The following ADD2 variants were observed in gnomAD, a reference collection of about 807,000 sequenced individuals.
ADD2 encodes the protein beta-adducin.
Under a neutral mutation model 83.0 loss-of-function variants are expected in ADD2, and 23 were observed. That is an observed-to-expected ratio of 0.28 (90% confidence interval 0.20 to 0.39). The LOEUF (loss-of-function observed/expected upper bound fraction) is 0.39. Ranked by LOEUF, ADD2 falls within the 10% of genes least tolerant of loss-of-function variation. ADD2 has a pLI of 1.00. For missense variants in ADD2, 758 were observed against 944.9 expected (o/e 0.80, Z 2.59); for synonymous variants, 375 against 375.4 (o/e 1.00, Z 0.01).
intron 1 of ADD2, among the ~76,000 whole-genome samples, chr2:70,754,626 T>C (rs1558581498): frequency 6.6e-6 from 1 of 152,068 alleles, no homozygotes; most frequent in African/African-American, 2.4e-5. Context: ...TCCTTACTCA[T>C]TCCTGCCGAC....
chr2:70,707,699 G>A (rs1170870876), intron 2 of ADD2, among the ~76,000 whole-genome samples: 9 of 152,342 alleles, frequency 5.9e-5, no homozygotes, highest in Admixed American at 1.3e-4. Context: ...AAGGCAGCAT[G>A]TACTTTGGCT....
At chr2:70,696,516 A>T in intron 4 of ADD2, 120 bp from the exon 5 acceptor site, 1 of 1,345,328 alleles carries the variant, frequency 7.4e-7, no homozygotes, top group Non-Finnish European at 1.0e-6. Flanking sequence ...CCAGGCAGGG[A>T]ATTAAACATT....
intron 1 of ADD2, among the ~76,000 whole-genome samples, chr2:70,733,319 G>A (rs540344703): frequency 1.3e-5 from 2 of 152,266 alleles, no homozygotes; most frequent in East Asian, 1.9e-4. Flanking sequence ...AAGGGAAGGC[G>A]GTGCATGCAT....
At chr2:70,685,036 A>G (rs527374376) in intron 9 of ADD2, among the ~76,000 whole-genome samples, 37 of 152,346 alleles carry the variant, frequency 2.4e-4, no homozygotes, top group African/African-American at 8.7e-4. Flanking sequence ...CTAGCTACAT[A>G]AAGAGACAAT....
Position 70,678,826 on chromosome 2 carries a change from G to A in ADD2, c.1261C>T (p.Gln421Ter), listed in dbSNP as rs782262652. 6.2e-7 allele frequency: 1 copy of A among 1,614,070 alleles called. No homozygotes were observed. The highest frequency in any genetic ancestry group is 1.3e-5 in the African/African-American group (1 of 74,920). Residue 421 changes from glutamine (Q) to a stop codon, truncating the protein, a stop_gained, in exon 11 of 16, where the codon CAG (glutamine) becomes TAG (stop). Transcript: ENST00000264436. LOFTEE classifies it high-confidence loss of function. ...EDGAPVPALR[Q>*]HAQKQQKEKT... The stretch of plus-strand genomic sequence containing the variant: ...TCCTTCTGCTGCTTCTGGGCATGCT[G>A]TCGCAGGGCGGGCACCGGGGCACCG...
chr2:70,677,617 G>T (rs901024278), intron 12 of ADD2, 141 bp downstream of exon 12: 3 of 1,130,428 alleles, frequency 2.7e-6, no homozygotes, highest in Non-Finnish European at 3.8e-6. Flanking sequence ...GCCATGGTCA[G>T]TCAATGGTAG....
At chr2:70,668,968 A>T (rs740389) in intron 15 of ADD2, among the ~76,000 whole-genome samples, 23,473 of 152,222 alleles carry the variant, frequency 0.15, 2,113 homozygotes, top group African/African-American at 0.25. Context: ...TGCCATGTAC[A>T]GCTTTTACTT....
At chr2:70,763,754 T>C (rs915749875) in intron 1 of ADD2, among the ~76,000 whole-genome samples, 1 of 151,988 alleles carries the variant, frequency 6.6e-6, no homozygotes, top group South Asian at 2.1e-4. Flanking sequence ...ATTCCTATAT[T>C]ATTATAGGAA....
At position 70,672,879 on chromosome 2, in the gene ADD2, C is replaced by T; in HGVS notation, c.1869G>A (p.Glu623=). ...SPLVSPSKSL[E]EGTKKTETSK... The stretch of plus-strand genomic sequence containing the variant: ...CCCAGCCTACTCAGCTGGACTCACC[C>T]TCTAAAGACTTGGAAGGAGAGACTA... The change falls in exon 15 of 16, where the codon GAG becomes GAA. Residue 623 remains glutamate (E), a splice_region_variant and synonymous_variant. Coordinates refer to ENST00000264436, the MANE Select transcript of ADD2 (RefSeq NM_001617.4). 6.2e-7 allele frequency: 1 copy of T among 1,611,640 alleles called. No homozygotes were observed. The highest frequency in any genetic ancestry group is 8.5e-7 in the Non-Finnish European group (1 of 1,179,142).
chr2:70,667,159 A>G (rs782777215), intron 15 of ADD2, among the ~76,000 whole-genome samples: 10 of 151,926 alleles, frequency 6.6e-5, no homozygotes, highest in Non-Finnish European at 1.2e-4. Flanking sequence ...CTTTGACTTT[A>G]TCTCCTGAAT....
At chr2:70,731,127 A>G (rs1326527627) in intron 1 of ADD2, among the ~76,000 whole-genome samples, 2 of 152,186 alleles carry the variant, frequency 1.3e-5, no homozygotes, top group African/African-American at 2.4e-5. Flanking sequence ...TTAGGGGAAT[A>G]TATCAGGAGG....
At position 70,712,453 on chromosome 2, in the gene ADD2, A is replaced by AT. The variant is rs1296046217; in HGVS notation, c.-35+612_-35+613insA. On this transcript the variant is annotated intron_variant, in intron 2 of 15. Coordinates refer to ENST00000264436, the MANE Select transcript of ADD2 (RefSeq NM_001617.4). The stretch of plus-strand genomic sequence containing the variant: ...AGGGAGACCCTGTCTCAAAAAAAAT[A>AT]AATAAATAAAAAAAAAAAAAAAGAA... 1.9e-3 allele frequency among the ~76,000 whole-genome samples: 237 copies of AT among 125,978 alleles called. 6 individuals are homozygous for AT. Among genetic ancestry groups the AT allele is most frequent in the African/African-American group, 7.8e-3 (217 of 27,704 alleles). The allele number at this position is 125,978 out of a possible 152,430, so 82.6% of individuals were successfully genotyped here.
At chr2:70,694,290 G>A (rs989374935) in intron 6 of ADD2, among the ~76,000 whole-genome samples, 2 of 152,114 alleles carry the variant, frequency 1.3e-5, no homozygotes, top group African/African-American at 4.8e-5. Flanking sequence ...AAGCATAGAG[G>A]CCCGGAATTT....
chr2:70,740,009 C>T (rs1166943015), intron 1 of ADD2, among the ~76,000 whole-genome samples: 1 of 151,922 alleles, frequency 6.6e-6, no homozygotes, highest in Non-Finnish European at 1.5e-5. Flanking sequence ...CACATGTACC[C>T]CTGAACCTAA....
intron 3 of ADD2, among the ~76,000 whole-genome samples, chr2:70,704,780 T>C (rs1157904325): frequency 1.3e-5 from 2 of 152,198 alleles, no homozygotes; most frequent in Non-Finnish European, 2.9e-5. Context: ...ACTTTAGTAA[T>C]GAAGGACATT....
At chr2:70,764,901 G>A (rs1211764762) in intron 1 of ADD2, among the ~76,000 whole-genome samples, 1 of 152,062 alleles carries the variant, frequency 6.6e-6, no homozygotes, top group African/African-American at 2.4e-5. Context: ...ACCCCAGGGG[G>A]CTGAGAGACC....
At chr2:70,752,880 C>G (rs1453781348) in intron 1 of ADD2, among the ~76,000 whole-genome samples, 1 of 152,192 alleles carries the variant, frequency 6.6e-6, no homozygotes, top group East Asian at 1.9e-4. Flanking sequence ...CCACTCCAGA[C>G]AAATGAGACT....
chr2:70,753,328 T>G (rs1236127758), intron 1 of ADD2, among the ~76,000 whole-genome samples: 1 of 151,506 alleles, frequency 6.6e-6, no homozygotes, highest in Admixed American at 6.6e-5. Context: ...CTCAGTGCCA[T>G]AAAAGAGGAC....
chr2:70,674,563 C>CTA, intron 14 of ADD2, 115 bp downstream of exon 14: 1 of 1,180,190 alleles, frequency 8.5e-7, no homozygotes, highest in Non-Finnish European at 1.2e-6. Flanking sequence ...ATTAATGGAA[C>CTA]TACAGTAGAA....
Sources: allele counts gnomAD v4.1 joint callset (sites outside exome capture counted in the v4.1 genomes callset), GRCh38; gene constraint gnomAD v4.1.1; transcripts MANE v1.5; gene names NCBI Gene and HGNC (gene_info 2026-07-23, HGNC 2026-07-21).